MATN2: variants seen among roughly 807,000 people sequenced by gnomAD.
The protein encoded by MATN2 is matrilin-2.
A neutral mutation model predicts 103.2 loss-of-function variants in MATN2; 69 were observed. That is an observed-to-expected ratio of 0.67 (90% CI 0.55 to 0.82). The LOEUF (loss-of-function observed/expected upper bound fraction) is 0.82, where lower values mean the gene tolerates loss of function less well. MATN2 is among the 40% of genes least tolerant of loss of function. The pLI is 0.00. For missense variants in MATN2, 1,023 were observed against 1,211.5 expected (o/e 0.84, Z 2.31); for synonymous variants, 429 against 450.2 (o/e 0.95, Z 0.60).
chr8:97,883,306 T>A (rs1818314665), intron 1 of MATN2, among the ~76,000 whole-genome samples: 1 of 149,596 alleles, frequency 6.7e-6, no homozygotes, highest in Non-Finnish European at 1.5e-5. Context: ...AAAAAAAGTG[T>A]ATATAGTCTG....
intron 3 of MATN2, among the ~76,000 whole-genome samples, chr8:97,940,357 C>G (rs1261674859): frequency 6.6e-6 from 1 of 152,162 alleles, no homozygotes; most frequent in Non-Finnish European, 1.5e-5. Context: ...ACAAAAAAAG[C>G]TGTTTGTTTC....
intron 5 of MATN2, 130 bp from the exon 6 acceptor site, chr8:97,978,754 CTG>C: frequency 1.2e-6 from 1 of 864,672 alleles, no homozygotes; most frequent in South Asian, 1.6e-5. Flanking sequence ...GGGTTCATAA[CTG>C]TTTATCCTAC....
At chr8:97,958,902 T>C (rs1811220861) in intron 4 of MATN2, among the ~76,000 whole-genome samples, 1 of 152,196 alleles carries the variant, frequency 6.6e-6, no homozygotes, top group African/African-American at 2.4e-5. Flanking sequence ...TCTCTTCTGC[T>C]ACTTCCCCTG....
chr8:97,873,910 G>C (rs1396284879), intron 1 of MATN2, among the ~76,000 whole-genome samples: 2 of 152,160 alleles, frequency 1.3e-5, no homozygotes, highest in African/African-American at 4.8e-5. Flanking sequence ...TTATAGGCGT[G>C]AGGCACCACG....
intron 6 of MATN2, among the ~76,000 whole-genome samples, chr8:97,984,319 A>AACAAAAC: frequency 6.6e-6 from 1 of 152,248 alleles, no homozygotes; most frequent in Non-Finnish European, 1.5e-5. Flanking sequence ...CTTAGAAATG[A>AACAAAAC]ACAAAACAAA....
chr8:98,024,257 C>G (rs917120129), intron 13 of MATN2, among the ~76,000 whole-genome samples: 2 of 152,200 alleles, frequency 1.3e-5, no homozygotes, highest in African/African-American at 2.4e-5. Flanking sequence ...TTAATCCCGG[C>G]ACCTTGAGAG....
chr8:97,916,829 T>G (rs1267790987), intron 2 of MATN2, among the ~76,000 whole-genome samples: 1 of 152,200 alleles, frequency 6.6e-6, no homozygotes, highest in Non-Finnish European at 1.5e-5. Flanking sequence ...CAAAGAAAAT[T>G]GTCCAGGGTC....
intron 2 of MATN2, among the ~76,000 whole-genome samples, chr8:97,916,981 C>T (rs1309513143): frequency 6.6e-6 from 1 of 152,034 alleles, no homozygotes; most frequent in African/African-American, 2.4e-5. Context: ...TTGGTGCACA[C>T]TTCCTGAGGG....
At chr8:97,891,099 G>A (rs1818611403) in intron 2 of MATN2, among the ~76,000 whole-genome samples, 1 of 152,160 alleles carries the variant, frequency 6.6e-6, no homozygotes, top group African/African-American at 2.4e-5. Context: ...CCAGATGCCG[G>A]TTGGGGGTGT....
At chr8:98,003,596 G>A (rs1401813925) in intron 7 of MATN2, 65 bp from the exon 8 acceptor site, 5 of 1,594,564 alleles carry the variant, frequency 3.1e-6, no homozygotes, top group Non-Finnish European at 2.6e-6. Context: ...GGAGCCCCGA[G>A]GGGCTGCCAT....
intron 3 of MATN2, among the ~76,000 whole-genome samples, chr8:97,937,583 CTTTTTTTTT>C (rs376203275): frequency 2.2e-5 from 2 of 89,812 alleles, no homozygotes; most frequent in African/African-American, 9.1e-5. Context: ...TCCCCACTAA[CTTTTTTTTT>C]TTTTTTTTTT....
chr8:97,924,561 C>T (rs536467179), intron 2 of MATN2, among the ~76,000 whole-genome samples: 258 of 152,196 alleles, frequency 1.7e-3, no homozygotes, highest in African/African-American at 3.7e-3. Context: ...TCTCTCTTTC[C>T]GTCACACCTG....
At chr8:97,877,911 C>G (rs746795805) in intron 1 of MATN2, among the ~76,000 whole-genome samples, 2 of 152,116 alleles carry the variant, frequency 1.3e-5, no homozygotes, top group African/African-American at 4.8e-5. Flanking sequence ...ATGCCCTGTG[C>G]CTGGTTGCTT....
chr8:97,968,209 T>G (rs1278531932), intron 5 of MATN2, among the ~76,000 whole-genome samples: 1 of 152,122 alleles, frequency 6.6e-6, no homozygotes, highest in Non-Finnish European at 1.5e-5. Context: ...CCAAATCATT[T>G]TTTTCCCCTA....
In MATN2 at chr8:98,015,871, A is replaced by G. The variant is rs779897376; in HGVS notation, c.1574-669A>G. ...GCCTGGCTCATTGCAGGGACTCACAAAATATTTGTGAACTGACTGAATACA... is the reference window on the plus strand; with the variant it reads ...GCCTGGCTCATTGCAGGGACTCACAGAATATTTGTGAACTGACTGAATACA... On this transcript the variant is annotated intron_variant, in intron 10 of 18. Transcript: ENST00000254898. Among the ~76,000 whole-genome samples, 106 of 152,272 alleles carry G rather than the reference A, an allele frequency of 7.0e-4. 1 individual carries two copies. The highest frequency in any genetic ancestry group is 1.3e-3 in the Non-Finnish European group (90 of 68,018).
intron 1 of MATN2, among the ~76,000 whole-genome samples, chr8:97,879,393 G>A (rs1399737504): frequency 6.6e-6 from 1 of 152,218 alleles, no homozygotes; most frequent in Non-Finnish European, 1.5e-5. Flanking sequence ...GCCAGTCAAG[G>A]AGGGCCTTGA....
At chr8:97,966,073 G>C (rs1811469675) in intron 5 of MATN2, among the ~76,000 whole-genome samples, 2 of 152,108 alleles carry the variant, frequency 1.3e-5, no homozygotes, top group Non-Finnish European at 2.9e-5. Context: ...AGGATTGCTT[G>C]AGCCCAGGAG....
At chr8:97,971,647 C>T (rs1811658000) in intron 5 of MATN2, among the ~76,000 whole-genome samples, 1 of 152,178 alleles carries the variant, frequency 6.6e-6, no homozygotes, top group Non-Finnish European at 1.5e-5. Flanking sequence ...GCTGTACTTA[C>T]TCACCTGGTG....
chr8:97,875,552 G>A (rs929002877), intron 1 of MATN2, among the ~76,000 whole-genome samples: 2 of 151,874 alleles, frequency 1.3e-5, no homozygotes, highest in African/African-American at 4.8e-5. Flanking sequence ...GCCCCCTTTG[G>A]ACCCCAAATA....
Sources: allele counts gnomAD v4.1 joint callset (sites outside exome capture counted in the v4.1 genomes callset), GRCh38; gene constraint gnomAD v4.1.1; transcripts MANE v1.5; gene names NCBI Gene and HGNC (gene_info 2026-07-23, HGNC 2026-07-21).